TERF1: variants seen among roughly 807,000 people sequenced by gnomAD.
TERF1 encodes the protein telomeric repeat binding factor 1, also known as telomeric repeat-binding factor 1.
A neutral mutation model predicts 55.1 loss-of-function variants in TERF1; 20 were observed. The ratio of observed to expected loss-of-function variants is 0.36; its 90% CI spans 0.26 to 0.53. The LOEUF (loss-of-function observed/expected upper bound fraction) is 0.53. TERF1 is among the 20% of genes least tolerant of loss of function. TERF1 has a pLI of 0.91. For missense variants in TERF1, 439 were observed against 535.7 expected (o/e 0.82, Z 1.78); for synonymous variants, 168 against 181.2 (o/e 0.93, Z 0.59).
chr8:73,046,000 G>A lies in TERF1; in HGVS notation c.1183G>A (p.Val395Met), dbSNP rs772422280. 58 of 1,603,642 alleles carry A rather than the reference G, an allele frequency of 3.6e-5. No homozygotes were observed. Among genetic ancestry groups the A allele is most frequent in the Non-Finnish European group, 4.8e-5 (57 of 1,175,930 alleles). The part of the protein sequence containing the change: ...WEEDKNLRSG[V>M]RKYGEGNWSK... Reference sequence around the variant, plus strand: ...AGAAGACAAGAATTTGAGATCTGGCGTGAGGAAATATGGAGAGGGAAACTG... The same window carrying A: ...AGAAGACAAGAATTTGAGATCTGGCATGAGGAAATATGGAGAGGGAAACTG... The change falls in exon 10 of 10, where the codon GTG becomes ATG. Residue 395 changes from valine (V) to methionine (M), a missense_variant. Transcript: ENST00000276603.
At chr8:73,041,105 G>C (rs1178430349) in intron 9 of TERF1, among the ~76,000 whole-genome samples, 1 of 152,112 alleles carries the variant, frequency 6.6e-6, no homozygotes, top group East Asian at 1.9e-4. Flanking sequence ...GTGTGGTCCT[G>C]GTGCTTGCTT....
chr8:73,017,698 A>G (rs1468227240), intron 2 of TERF1, among the ~76,000 whole-genome samples: 2 of 144,944 alleles, frequency 1.4e-5, no homozygotes, highest in Non-Finnish European at 3.0e-5. Flanking sequence ...AGGCATCAAT[A>G]TTTTTTTTCT....
chr8:73,038,964 C>A, intron 8 of TERF1, 152 bp from the exon 9 acceptor site: 1 of 699,802 alleles, frequency 1.4e-6, no homozygotes, highest in Non-Finnish European at 2.3e-6. Context: ...TGCACTATAC[C>A]ATACTGCTTC....
intron 6 of TERF1, among the ~76,000 whole-genome samples, chr8:73,029,379 C>G (rs1019445034): frequency 2.6e-5 from 4 of 152,080 alleles, no homozygotes; most frequent in African/African-American, 9.7e-5. Context: ...AATCCCAGCA[C>G]TTTGAAAGGC....
chr8:73,010,721 CAGTA>C (rs1266264571), intron 1 of TERF1: 1 of 152,136 alleles, frequency 6.6e-6, no homozygotes, highest in African/African-American at 2.4e-5. Flanking sequence ...GCTTTATAGA[CAGTA>C]AGGACTTAAG....
intron 8 of TERF1, among the ~76,000 whole-genome samples, chr8:73,032,484 A>G (rs1032156860): frequency 3.3e-5 from 5 of 152,114 alleles, no homozygotes; most frequent in African/African-American, 4.8e-5. Context: ...TGGAAACTTG[A>G]TAATGTGGCA....
rs201472702 is a variant in TERF1, at chr8:73,024,813, T to G, written c.625-9T>G. 4.4e-5 allele frequency: 68 copies of G among 1,549,804 alleles called. No individual in the cohort carries two copies. The highest frequency in any genetic ancestry group is 5.6e-5 in the Non-Finnish European group (64 of 1,147,242). On this transcript the variant is annotated splice_polypyrimidine_tract_variant and intron_variant, in intron 4 of 9. Transcript: ENST00000276603. ...ATTTATGTTAATATATTTCTTCTGT[T>G]TTCTTTAGCCTTTCAAAAGCAAATT...
intron 8 of TERF1, among the ~76,000 whole-genome samples, chr8:73,034,293 G>A (rs1341444142): frequency 6.6e-6 from 1 of 152,058 alleles, no homozygotes; most frequent in Non-Finnish European, 1.5e-5. Context: ...CACCACACCC[G>A]GCAGATTTTT....
At chr8:73,040,018 T>G (rs1326339490) in intron 9 of TERF1, among the ~76,000 whole-genome samples, 1 of 116,708 alleles carries the variant, frequency 8.6e-6, no homozygotes, top group Non-Finnish European at 1.9e-5. Context: ...TTTTTTTTTT[T>G]GACAAGCTAA....
intron 1 of TERF1, chr8:73,011,998 T>A (rs1435507001): frequency 6.6e-6 from 1 of 152,248 alleles, no homozygotes; most frequent in Admixed American, 6.5e-5. Context: ...ATCATGGCAT[T>A]TGACATCCTT....
intron 8 of TERF1, among the ~76,000 whole-genome samples, chr8:73,032,572 T>C (rs1441764759): frequency 7.1e-6 from 1 of 140,758 alleles, no homozygotes; most frequent in Non-Finnish European, 1.6e-5. Context: ...GGGTTTTCTA[T>C]ATGAATATAT....
chr8:73,045,188 T>C (rs1407520804), intron 9 of TERF1, among the ~76,000 whole-genome samples: 2 of 152,136 alleles, frequency 1.3e-5, no homozygotes, highest in East Asian at 3.9e-4. Context: ...CACCAACACT[T>C]ATTTTGTGTT....
At chr8:73,022,086 A>G (rs1019790026) in intron 3 of TERF1, 130 bp from the exon 4 acceptor site, 2 of 542,498 alleles carry the variant, frequency 3.7e-6, no homozygotes. Context: ...CTTTTATCAA[A>G]TTAAAATTAT....
At chr8:73,037,771 T>TA (rs1809635640) in intron 8 of TERF1, among the ~76,000 whole-genome samples, 2 of 47,704 alleles carry the variant, frequency 4.2e-5, no homozygotes, top group African/African-American at 1.5e-4. Context: ...TATAGTATAA[T>TA]ATATATATTA....
intron 8 of TERF1, among the ~76,000 whole-genome samples, chr8:73,038,276 C>A (rs907299938): frequency 6.6e-6 from 1 of 151,598 alleles, no homozygotes; most frequent in African/African-American, 2.4e-5. Context: ...TATAGTGAAA[C>A]CATGTCTTTA....
chr8:73,023,596 A>G (rs1224721135), intron 4 of TERF1, among the ~76,000 whole-genome samples: 1 of 152,130 alleles, frequency 6.6e-6, no homozygotes, highest in East Asian at 1.9e-4. Context: ...TTTTCTCCAT[A>G]GCACTATGAG....
At chr8:73,024,349 G>A (rs1027445311) in intron 4 of TERF1, among the ~76,000 whole-genome samples, 3 of 152,124 alleles carry the variant, frequency 2.0e-5, no homozygotes, top group Admixed American at 6.5e-5. Flanking sequence ...AAAAGAATAC[G>A]CATCGTACAA....
intron 2 of TERF1, among the ~76,000 whole-genome samples, chr8:73,019,535 T>C (rs1258490200): frequency 6.6e-6 from 1 of 152,150 alleles, no homozygotes; most frequent in East Asian, 1.9e-4. Flanking sequence ...CCCACCGACC[T>C]TCCTCCTGCC....
At position 73,046,035 on chromosome 8, in the gene TERF1, A is replaced by G. The variant is rs138974817; in HGVS notation, c.1218A>G (p.Ile406Met). The change falls in exon 10 of 10, where the codon ATA becomes ATG. Residue 406 changes from isoleucine (I) to methionine (M), a missense_variant. Physicochemically the swap from Ile to Met is conservative, Grantham distance 10. Around this residue, in one of 4 missense-constraint regions of TERF1, gnomAD observed 25 missense variants for 57.3 expected, o/e 0.44. Transcript: ENST00000276603. ...ATGGAGAGGGAAACTGGTCTAAAAT[A>G]CTGTTGCATTATAAATTCAACAACC... is the stretch of plus-strand genomic sequence containing the variant. ...RKYGEGNWSK[I>M]LLHYKFNNRT... 1 of 1,611,266 alleles carries G rather than the reference A, an allele frequency of 6.2e-7. No homozygotes were observed. The highest frequency in any genetic ancestry group is 8.5e-7 in the Non-Finnish European group (1 of 1,178,882).
Sources: allele counts gnomAD v4.1 joint callset (sites outside exome capture counted in the v4.1 genomes callset), GRCh38; gene constraint gnomAD v4.1.1; regional missense constraint gnomAD v4.1.1; transcripts MANE v1.5; gene names NCBI Gene and HGNC (gene_info 2026-07-23, HGNC 2026-07-21).